RBM47: variants seen among roughly 807,000 people sequenced by gnomAD.
RBM47 encodes RNA-binding protein 47.
A neutral mutation model predicts 47.1 loss-of-function variants in RBM47; 21 were observed. That is an observed-to-expected ratio of 0.45 (90% CI 0.32 to 0.64). RBM47 has a LOEUF of 0.64. Ranked by LOEUF, RBM47 falls within the 30% of genes least tolerant of loss-of-function variation. RBM47 has a pLI of 0.05. For synonymous variants in RBM47, 375 were observed against 361.7 expected (o/e 1.04, Z -0.42); for missense variants, 708 against 870.9 (o/e 0.81, Z 2.35).
chr4:40,617,969 TG>T (rs988545655), intron 1 of RBM47, among the ~76,000 whole-genome samples: 1 of 152,128 alleles, frequency 6.6e-6, no homozygotes, highest in Non-Finnish European at 1.5e-5. Context: ...GGGCCAGGCA[TG>T]GTGGTTCACA....
At chr4:40,540,254 A>G (rs1179956574) in intron 2 of RBM47, among the ~76,000 whole-genome samples, 1 of 152,150 alleles carries the variant, frequency 6.6e-6, no homozygotes, top group Non-Finnish European at 1.5e-5. Context: ...CCTCATGAGT[A>G]TGTACAATTA....
At chr4:40,553,978 A>G (rs1294540378) in intron 1 of RBM47, among the ~76,000 whole-genome samples, 2 of 152,140 alleles carry the variant, frequency 1.3e-5, no homozygotes, top group East Asian at 1.9e-4. Flanking sequence ...CTGAGTACGC[A>G]AGTGCAGAGA....
intron 2 of RBM47, among the ~76,000 whole-genome samples, chr4:40,518,270 G>A (rs370942101): frequency 7.0e-5 from 10 of 143,806 alleles, no homozygotes; most frequent in African/African-American, 1.3e-4. Flanking sequence ...TCCACCTCCC[G>A]GGTTCAAGCA....
chr4:40,493,040 T>C (rs1722099863), intron 2 of RBM47, among the ~76,000 whole-genome samples: 1 of 152,108 alleles, frequency 6.6e-6, no homozygotes, highest in South Asian at 2.1e-4. Context: ...GAAAACAGGC[T>C]TTGGAGTGTG....
At chr4:40,555,223 C>T (rs547120101) in intron 1 of RBM47, among the ~76,000 whole-genome samples, 2 of 152,338 alleles carry the variant, frequency 1.3e-5, no homozygotes, top group South Asian at 2.1e-4. Flanking sequence ...TGAGCCACCA[C>T]ACCCGGCTTA....
chr4:40,519,449 C>A (rs1357640221), intron 2 of RBM47, among the ~76,000 whole-genome samples: 2 of 151,530 alleles, frequency 1.3e-5, no homozygotes, highest in African/African-American at 4.8e-5. Flanking sequence ...AGGTGTGCAC[C>A]ACCACACCCG....
chr4:40,528,238 C>T (rs1046057915), intron 2 of RBM47, among the ~76,000 whole-genome samples: 4 of 152,132 alleles, frequency 2.6e-5, no homozygotes, highest in African/African-American at 9.6e-5. Context: ...TGGTGAAACA[C>T]CATCTCTATT....
At chr4:40,523,322 C>G (rs1285910147) in intron 2 of RBM47, among the ~76,000 whole-genome samples, 1 of 152,034 alleles carries the variant, frequency 6.6e-6, no homozygotes, top group East Asian at 1.9e-4. Context: ...TGCCTGTAAT[C>G]CCAGCCCTCC....
chr4:40,549,232 C>T (rs1729317089), intron 1 of RBM47, among the ~76,000 whole-genome samples: 1 of 151,878 alleles, frequency 6.6e-6, no homozygotes, highest in Non-Finnish European at 1.5e-5. Context: ...GCTGGAACTA[C>T]AGGCACGCAC....
intron 2 of RBM47, among the ~76,000 whole-genome samples, chr4:40,508,447 T>C (rs1166416397): frequency 6.6e-6 from 1 of 152,248 alleles, no homozygotes; most frequent in Non-Finnish European, 1.5e-5. Context: ...TTTCAGCTCA[T>C]ATAGTCATGT....
At chr4:40,468,715 G>C (rs542423445) in intron 2 of RBM47, among the ~76,000 whole-genome samples, 2 of 151,978 alleles carry the variant, frequency 1.3e-5, no homozygotes, top group South Asian at 4.2e-4. Flanking sequence ...TTTTAATCTT[G>C]TTAACAATGA....
At chr4:40,587,564 T>A (rs6816038) in intron 1 of RBM47, among the ~76,000 whole-genome samples, 1 of 152,298 alleles carries the variant, frequency 6.6e-6, no homozygotes, top group Admixed American at 6.5e-5. Context: ...CCTTGGGGCA[T>A]GTTTTGCAGT....
chr4:40,523,447 T>TACCAACCC (rs1726402560), intron 2 of RBM47, among the ~76,000 whole-genome samples: 1 of 151,980 alleles, frequency 6.6e-6, no homozygotes, highest in South Asian at 2.1e-4. Flanking sequence ...GGTTAGTAGT[T>TACCAACCC]GGAGACCAAC....
chr4:40,546,784 G>A (rs1419209156), intron 1 of RBM47, among the ~76,000 whole-genome samples: 1 of 152,176 alleles, frequency 6.6e-6, no homozygotes, highest in Non-Finnish European at 1.5e-5. Context: ...AAAGGACCTG[G>A]CTGTTTGCTT....
intron 1 of RBM47, among the ~76,000 whole-genome samples, chr4:40,607,003 T>C (rs913275732): frequency 6.6e-6 from 1 of 152,088 alleles, no homozygotes; most frequent in African/African-American, 2.4e-5. Flanking sequence ...CGCAAACATA[T>C]GTGTTACTTT....
chr4:40,479,975 A>ATT (rs71647000), intron 2 of RBM47, among the ~76,000 whole-genome samples: 39,339 of 117,196 alleles, frequency 0.34, 7,927 homozygotes, highest in East Asian at 0.5. Flanking sequence ...TATCATCTCC[A>ATT]TTTTTTTTTT....
intron 1 of RBM47, among the ~76,000 whole-genome samples, chr4:40,568,965 T>C (rs1164712069): frequency 6.9e-6 from 1 of 145,540 alleles, no homozygotes; most frequent in Non-Finnish European, 1.5e-5. Context: ...TGGGCGACAA[T>C]AGTGAGACTC....
At chr4:40,574,478 G>C (rs938729682) in intron 1 of RBM47, among the ~76,000 whole-genome samples, 1 of 152,200 alleles carries the variant, frequency 6.6e-6, no homozygotes, top group African/African-American at 2.4e-5. Flanking sequence ...GTATTCTGTA[G>C]GTATGTTTTA....
At chr4:40,456,571 C>CTTT (rs34320480) in intron 3 of RBM47, among the ~76,000 whole-genome samples, 79 of 112,556 alleles carry the variant, frequency 7.0e-4, no homozygotes, top group South Asian at 1.1e-3. Context: ...TTTCTTTTTT[C>CTTT]TTTTTTTTTT....
Sources: allele counts gnomAD v4.1 joint callset (sites outside exome capture counted in the v4.1 genomes callset), GRCh38; gene constraint gnomAD v4.1.1; transcripts MANE v1.5; gene names NCBI Gene and HGNC (gene_info 2026-07-23, HGNC 2026-07-21).